The following CNTNAP5 variants were observed in gnomAD, a reference collection of about 807,000 sequenced individuals.
CNTNAP5 encodes the protein contactin associated protein family member 5, also known as contactin-associated protein-like 5.
A neutral mutation model predicts 150.2 loss-of-function variants in CNTNAP5; 72 were observed. The ratio of observed to expected loss-of-function variants is 0.48; its 90% CI spans 0.40 to 0.58. The LOEUF is 0.58. Ranked by LOEUF, CNTNAP5 falls within the 20% of genes least tolerant of loss-of-function variation. The pLI is 0.00. For synonymous variants in CNTNAP5, 672 were observed against 619.8 expected, an observed-to-expected ratio of 1.08 and a Z score of -1.25; for missense variants, 1,636 against 1,626.2, an observed-to-expected ratio of 1.01 and a Z score of -0.10.
intron 13 of CNTNAP5, among the ~76,000 whole-genome samples, chr2:124,692,830 T>C (rs1476181293): frequency 6.6e-6 from 1 of 152,118 alleles, no homozygotes; most frequent in African/African-American, 2.4e-5. Flanking sequence ...CAGTGAACTG[T>C]TGAAAGGCCA....
At chr2:124,390,944 G>T (rs79284949) in intron 3 of CNTNAP5, among the ~76,000 whole-genome samples, 1 of 152,214 alleles carries the variant, frequency 6.6e-6, no homozygotes, top group Non-Finnish European at 1.5e-5. Context: ...GAGATAAAAA[G>T]TATTTGCGTT....
intron 11 of CNTNAP5, among the ~76,000 whole-genome samples, chr2:124,565,685 C>T (rs1414643187): frequency 1.1e-4 from 16 of 144,032 alleles, no homozygotes; most frequent in African/African-American, 2.6e-4. Flanking sequence ...CTGCAACCTC[C>T]GCCTCCCAGG....
intron 18 of CNTNAP5, among the ~76,000 whole-genome samples, chr2:124,796,407 A>T (rs999180957): frequency 2.0e-5 from 3 of 152,184 alleles, no homozygotes; most frequent in Admixed American, 6.5e-5. Flanking sequence ...ATCCCTGAGT[A>T]AATTTACTCA....
At chr2:124,734,547 A>C (rs972486875) in intron 13 of CNTNAP5, among the ~76,000 whole-genome samples, 1 of 152,028 alleles carries the variant, frequency 6.6e-6, no homozygotes, top group Admixed American at 6.6e-5. Context: ...TCTTGTAGCA[A>C]ATTTGTGAGA....
intron 19 of CNTNAP5, among the ~76,000 whole-genome samples, chr2:124,798,760 G>A (rs996689855): frequency 6.6e-6 from 1 of 152,180 alleles, no homozygotes; most frequent in Non-Finnish European, 1.5e-5. Context: ...CCAGGTCTTA[G>A]AGAGAAGTAG....
At chr2:124,624,818 G>A (rs921513085) in intron 12 of CNTNAP5, among the ~76,000 whole-genome samples, 6 of 152,212 alleles carry the variant, frequency 3.9e-5, no homozygotes, top group African/African-American at 1.4e-4. Flanking sequence ...TGCCCTTGAA[G>A]AGCTGCCCTC....
rs201560627 is a variant in CNTNAP5, at chr2:124,911,515, G to T, written c.3704G>T (p.Arg1235Leu). 6.2e-7 allele frequency: 1 copy of T among 1,601,496 alleles called. No individual in the cohort carries two copies. Among genetic ancestry groups the T allele is most frequent in the Non-Finnish European group, 8.5e-7 (1 of 1,173,512 alleles). ...CGGGAACCACTCACAAATGCTGTTC[G>T]AAGTGATTCGGCAGTCATCGGAGGT... ...DEREPLTNAV[R>L]SDSAVIGGVI... Residue 1235 changes from arginine (R) to leucine (L), a missense_variant, in exon 23 of 24, where the codon CGA becomes CTA. Arg to Leu is a moderately radical substitution (Grantham distance 102). Coordinates refer to ENST00000682447, the MANE Select transcript of CNTNAP5 (RefSeq NM_001367498.1).
intron 1 of CNTNAP5, among the ~76,000 whole-genome samples, chr2:124,096,176 C>T (rs577646219): frequency 1.3e-5 from 2 of 152,302 alleles, no homozygotes; most frequent in Admixed American, 1.3e-4. Flanking sequence ...ATTCCAGTAT[C>T]CTTGCCCTGT....
intron 12 of CNTNAP5, among the ~76,000 whole-genome samples, chr2:124,636,662 G>GTCTGTGTGTT (rs1259507110): frequency 6.6e-6 from 1 of 152,002 alleles, no homozygotes; most frequent in African/African-American, 2.4e-5. Context: ...GTCTGTGTGT[G>GTCTGTGTGTT]TCTGTGTGTG....
chr2:124,590,905 T>A (rs901393947), intron 11 of CNTNAP5, among the ~76,000 whole-genome samples: 3 of 152,214 alleles, frequency 2.0e-5, no homozygotes, highest in African/African-American at 7.2e-5. Flanking sequence ...ACTATCATTA[T>A]CTTTAATGAG....
chr2:124,836,139 A>G (rs898313166), intron 19 of CNTNAP5, among the ~76,000 whole-genome samples: 1 of 152,122 alleles, frequency 6.6e-6, no homozygotes, highest in Non-Finnish European at 1.5e-5. Context: ...TGGAGAAAAG[A>G]TAGGATTTCC....
chr2:124,853,651 G>A (rs559944043), intron 19 of CNTNAP5, among the ~76,000 whole-genome samples: 12 of 152,024 alleles, frequency 7.9e-5, no homozygotes, highest in Admixed American at 5.2e-4. Flanking sequence ...TTACCTCCAC[G>A]CATTTTTTTT....
chr2:124,418,690 C>A (rs1456550389), intron 4 of CNTNAP5, among the ~76,000 whole-genome samples: 5 of 152,052 alleles, frequency 3.3e-5, no homozygotes, highest in Admixed American at 2.0e-4. Flanking sequence ...ACCATTAGGC[C>A]CAGGAGGAAC....
At position 124,710,013 on chromosome 2, in the gene CNTNAP5, C is replaced by CA. The variant is rs70999206; in HGVS notation, c.2078-37209dup. ...CTTTAAAAAATTTCCTACAAAATTACAAAAAAAGTGGTCCCGGGTCTTACT... is the reference window on the plus strand; with the variant it reads ...CTTTAAAAAATTTCCTACAAAATTACAAAAAAAAGTGGTCCCGGGTCTTACT... On this transcript the variant is annotated intron_variant, in intron 13 of 23. Coordinates refer to ENST00000682447, the MANE Select transcript of CNTNAP5 (RefSeq NM_001367498.1). Among the ~76,000 whole-genome samples, 67 of 151,908 alleles carry CA rather than the reference C, an allele frequency of 4.4e-4. No homozygotes were observed. In the East Asian group the frequency reaches 6.4e-3, roughly 15 times the overall value.
chr2:124,542,777 A>T (rs1695417255), intron 10 of CNTNAP5, among the ~76,000 whole-genome samples: 1 of 152,124 alleles, frequency 6.6e-6, no homozygotes, highest in African/African-American at 2.4e-5. Flanking sequence ...ACGTCTACTG[A>T]TGCATTCAGC....
At chr2:124,476,865 A>G (rs1693651959) in intron 7 of CNTNAP5, among the ~76,000 whole-genome samples, 1 of 152,136 alleles carries the variant, frequency 6.6e-6, no homozygotes, top group Non-Finnish European at 1.5e-5. Flanking sequence ...GGCTATAGAC[A>G]GCAGTCTTTT....
At chr2:124,551,971 T>C (rs1435216061) in intron 10 of CNTNAP5, among the ~76,000 whole-genome samples, 2 of 152,142 alleles carry the variant, frequency 1.3e-5, no homozygotes, top group African/African-American at 4.8e-5. Flanking sequence ...GTCTAAACAG[T>C]TCATATGTCT....
chr2:124,658,258 G>C (rs953103477), intron 13 of CNTNAP5, among the ~76,000 whole-genome samples: 1 of 152,086 alleles, frequency 6.6e-6, no homozygotes, highest in Admixed American at 6.6e-5. Context: ...GCTGCCCTCT[G>C]ACTCCCAGCT....
intron 1 of CNTNAP5, among the ~76,000 whole-genome samples, chr2:124,214,658 A>G (rs183326956): frequency 6.6e-6 from 1 of 152,352 alleles, no homozygotes; most frequent in Admixed American, 6.5e-5. Flanking sequence ...GGACTCCTGG[A>G]TCCCAGACCA....
Sources: gnomAD v4.1 joint callset for allele counts (sites outside exome capture counted in the v4.1 genomes callset) on GRCh38, gnomAD v4.1.1 for gene constraint, MANE v1.5 for transcripts, NCBI Gene and HGNC (gene_info 2026-07-23, HGNC 2026-07-21) for gene names.